DLG2: variants seen among roughly 807,000 people sequenced by gnomAD.
DLG2 encodes disks large homolog 2.
Under a neutral mutation model 132.5 loss-of-function variants are expected in DLG2, and 45 were observed. The ratio of observed to expected loss-of-function variants is 0.34; its 90% CI spans 0.27 to 0.44. The LOEUF is 0.44. Among genes scored for constraint, DLG2 ranks in the 20% least tolerant of loss-of-function variants. DLG2 has a pLI of 1.00. For missense variants in DLG2, 1,045 were observed against 1,196.9 expected (o/e 0.87, Z 1.87); for synonymous variants, 424 against 419.6 (o/e 1.01, Z -0.13).
At chr11:83,606,626 T>C (rs968388167) in intron 19 of DLG2, among the ~76,000 whole-genome samples, 3 of 132,578 alleles carry the variant, frequency 2.3e-5, no homozygotes, top group African/African-American at 9.2e-5. Context: ...CATACGTTAG[T>C]GTTTGTTAAA....
chr11:85,360,649 G>A (rs1049026823), intron 3 of DLG2, among the ~76,000 whole-genome samples: 1 of 152,072 alleles, frequency 6.6e-6, no homozygotes, highest in Non-Finnish European at 1.5e-5. Context: ...CCACACAGGA[G>A]GCTCCTTCCA....
chr11:85,593,402 T>A (rs1291776997), intron 3 of DLG2, among the ~76,000 whole-genome samples: 1 of 152,194 alleles, frequency 6.6e-6, no homozygotes, highest in Non-Finnish European at 1.5e-5. Flanking sequence ...TTCCAGAGTT[T>A]CTTATTCAGT....
At chr11:84,703,086 T>TA (rs1284134733) in intron 6 of DLG2, among the ~76,000 whole-genome samples, 5 of 151,516 alleles carry the variant, frequency 3.3e-5, no homozygotes, top group Non-Finnish European at 7.4e-5. Flanking sequence ...TTCTTAAAAA[T>TA]AAAAAATGTT....
chr11:83,946,707 T>G (rs1190069210), intron 14 of DLG2, among the ~76,000 whole-genome samples: 1 of 152,198 alleles, frequency 6.6e-6, no homozygotes, highest in African/African-American at 2.4e-5. Flanking sequence ...GACAAAAAAT[T>G]GTGACTTTCA....
At chr11:85,487,597 G>A (rs775535073) in intron 3 of DLG2, among the ~76,000 whole-genome samples, 3 of 151,782 alleles carry the variant, frequency 2.0e-5, no homozygotes, top group Non-Finnish European at 2.9e-5. Flanking sequence ...ATAACTTGAA[G>A]ACAGGTATTT....
intron 21 of DLG2, among the ~76,000 whole-genome samples, chr11:83,491,329 ATTAT>A (rs1591755597): frequency 6.6e-6 from 1 of 152,050 alleles, no homozygotes; most frequent in African/African-American, 2.4e-5. Flanking sequence ...AACTGGGTTC[ATTAT>A]TTATGAAACT....
At chr11:85,255,392 C>T (rs985546525) in intron 4 of DLG2, among the ~76,000 whole-genome samples, 2 of 152,198 alleles carry the variant, frequency 1.3e-5, no homozygotes, top group African/African-American at 4.8e-5. Context: ...CATAAATACA[C>T]AGATAATTAT....
chr11:84,462,720 C>T (rs552690226), intron 7 of DLG2, among the ~76,000 whole-genome samples: 107 of 151,038 alleles, frequency 7.1e-4, no homozygotes, highest in Non-Finnish European at 1.3e-3. Context: ...ATGACTACAT[C>T]ATCACTCACG....
chr11:85,165,611 G>C (rs2078381726), intron 4 of DLG2, among the ~76,000 whole-genome samples: 1 of 152,082 alleles, frequency 6.6e-6, no homozygotes, highest in Non-Finnish European at 1.5e-5. Context: ...AGGTCAATAG[G>C]CTCTGCTCAG....
intron 10 of DLG2, among the ~76,000 whole-genome samples, chr11:84,093,047 A>AAAAGAAAG (rs1051086523): frequency 2.0e-5 from 3 of 151,534 alleles, no homozygotes; most frequent in African/African-American, 4.9e-5. Flanking sequence ...AAAAAAAAAA[A>AAAAGAAAG]AAAGAAAGAA....
chr11:85,156,685 A>G (rs2077610785), intron 4 of DLG2, among the ~76,000 whole-genome samples: 1 of 152,206 alleles, frequency 6.6e-6, no homozygotes, highest in African/African-American at 2.4e-5. Context: ...TTGAGCCTGC[A>G]CTGTCACCAT....
chr11:83,633,116 G>A (rs1054952294), intron 19 of DLG2, 95 bp downstream of exon 19: 2 of 1,101,324 alleles, frequency 1.8e-6, no homozygotes, highest in African/African-American at 3.1e-5. Flanking sequence ...AGTGGGTTAA[G>A]TGGGACACAT....
rs1363730560 is a variant in DLG2 at position 83,516,722 on chromosome 11, G to C, written c.2193+15986C>G. On this transcript the variant is annotated intron_variant, in intron 21 of 27. Transcript: ENST00000376104. ...GGAGCTCTTGTAGGGCAGGCCTGGT[G>C]GTGACAAAATCTCTCAGCATTTGCT... Among the ~76,000 whole-genome samples the C allele has an allele frequency of 7.9e-5, 12 of 152,240 alleles. No homozygotes were observed. In the South Asian group the frequency reaches 2.5e-3, roughly 32 times the overall value.
chr11:85,345,460 T>A (rs2082769024), intron 3 of DLG2, among the ~76,000 whole-genome samples: 1 of 152,132 alleles, frequency 6.6e-6, no homozygotes, highest in African/African-American at 2.4e-5. Context: ...GTTTTACACA[T>A]ATTTTTTATT....
At chr11:84,837,328 T>C (rs1291031983) in intron 6 of DLG2, among the ~76,000 whole-genome samples, 1 of 151,806 alleles carries the variant, frequency 6.6e-6, no homozygotes, top group Non-Finnish European at 1.5e-5. Flanking sequence ...ACTGTAAATA[T>C]TATGTAAACA....
chr11:84,496,121 G>A (rs2099182883), intron 7 of DLG2, among the ~76,000 whole-genome samples: 1 of 152,060 alleles, frequency 6.6e-6, no homozygotes, highest in South Asian at 2.1e-4. Context: ...TTCATCATAG[G>A]CAATAAGTTC....
chr11:83,779,555 A>C (rs903020070), intron 18 of DLG2, among the ~76,000 whole-genome samples: 11 of 152,156 alleles, frequency 7.2e-5, no homozygotes, highest in Non-Finnish European at 2.9e-5. Flanking sequence ...TGGGCTATTA[A>C]AGCCACTCCC....
chr11:83,498,013 C>G (rs1255066409), intron 21 of DLG2, among the ~76,000 whole-genome samples: 1 of 151,742 alleles, frequency 6.6e-6, no homozygotes, highest in African/African-American at 2.4e-5. Context: ...CATCTTATTA[C>G]AGAGATACAA....
rs77351821 is a variant in DLG2, at chr11:84,971,948, G to A, written c.357+139713C>T. Among the ~76,000 whole-genome samples, 101 of 152,154 alleles carry A rather than the reference G, an allele frequency of 6.6e-4. 1 individual carries two copies. The highest frequency in any genetic ancestry group is 2.3e-3 in the African/African-American group (97 of 41,506). On this transcript the variant is annotated intron_variant, in intron 6 of 27. Coordinates refer to ENST00000376104, the MANE Select transcript of DLG2 (RefSeq NM_001142699.3). The stretch of plus-strand genomic sequence containing the variant: ...CCAAGGGAGAATTTATATTTCTAAG[G>A]CACTTTGCTTCTTGCTGTATAGTAG...
Sources: allele counts gnomAD v4.1 joint callset (sites outside exome capture counted in the v4.1 genomes callset), GRCh38; gene constraint gnomAD v4.1.1; transcripts MANE v1.5; gene names NCBI Gene and HGNC (gene_info 2026-07-23, HGNC 2026-07-21).